Variants in EDC3 observed in about 807,000 individuals in gnomAD.
The protein encoded by EDC3 is enhancer of mRNA-decapping protein 3.
A neutral mutation model predicts 41.8 loss-of-function variants in EDC3; 20 were observed. That is an observed-to-expected ratio of 0.48 (90% confidence interval 0.34 to 0.70). The LOEUF (loss-of-function observed/expected upper bound fraction) is 0.70. Among genes scored for constraint, EDC3 ranks in the 30% least tolerant of loss-of-function variants. EDC3 has a pLI of 0.01. For synonymous variants in EDC3, 206 were observed against 243.2 expected (o/e 0.85, Z 1.42); for missense variants, 444 against 636.8 (o/e 0.70, Z 3.26).
At position 74,695,145 on chromosome 15, in the gene EDC3, C is replaced by T. The variant is rs139300868; in HGVS notation, c.-19+735G>A. ...TGGGTCGCGAGTTCCTCACCTGTAACCACAGGAGAAGACTGTTGGCTTGGT... is the reference window on the plus strand; with the variant it reads ...TGGGTCGCGAGTTCCTCACCTGTAATCACAGGAGAAGACTGTTGGCTTGGT... On this transcript the variant is annotated intron_variant, in intron 1 of 6. Transcript: ENST00000315127. 5.2e-3 allele frequency among the ~76,000 whole-genome samples: 793 copies of T among 152,250 alleles called. 3 individuals carry two copies. Among genetic ancestry groups the T allele is most frequent in the African/African-American group, 0.018 (766 of 41,538 alleles).
At chr15:74,634,109 G>C (rs939482557) in intron 6 of EDC3, among the ~76,000 whole-genome samples, 9 of 152,110 alleles carry the variant, frequency 5.9e-5, no homozygotes, top group African/African-American at 1.9e-4. Context: ...ATTCCAGTCA[G>C]ACTCTGTCCC....
intron 4 of EDC3, among the ~76,000 whole-genome samples, chr15:74,651,447 C>T (rs1036321274): frequency 6.6e-6 from 1 of 152,168 alleles, no homozygotes; most frequent in Non-Finnish European, 1.5e-5. Flanking sequence ...AACACTGTTC[C>T]CCATCACAAC....
intron 3 of EDC3, among the ~76,000 whole-genome samples, chr15:74,658,639 A>C (rs1412688976): frequency 1.3e-5 from 2 of 149,772 alleles, no homozygotes; most frequent in Admixed American, 6.6e-5. Context: ...AAAAAAAAAA[A>C]AAAAAAAAAA....
intron 1 of EDC3, among the ~76,000 whole-genome samples, chr15:74,688,554 C>G (rs755177310): frequency 2.0e-5 from 3 of 152,188 alleles, no homozygotes; most frequent in Non-Finnish European, 2.9e-5. Flanking sequence ...TTTTGAGCTT[C>G]ACATAAACAG....
intron 4 of EDC3, chr15:74,642,426 T>G (rs924563829): frequency 1.3e-5 from 2 of 152,296 alleles, no homozygotes; most frequent in South Asian, 4.1e-4. Context: ...TGTCAACAGC[T>G]GATTAAAACA....
chr15:74,667,591 AT>A (rs1476658982), intron 3 of EDC3, among the ~76,000 whole-genome samples: 1 of 151,868 alleles, frequency 6.6e-6, no homozygotes, highest in East Asian at 1.9e-4. Context: ...AAAAAAAAAA[AT>A]AAAATCCACA....
intron 5 of EDC3, 172 bp downstream of exon 5, chr15:74,640,294 A>G: frequency 1.4e-6 from 1 of 690,652 alleles, no homozygotes; most frequent in Admixed American, 2.9e-5. Flanking sequence ...GGGTCTGAGG[A>G]GGGGCAAAGA....
chr15:74,680,129 G>A (rs763227996), intron 1 of EDC3, among the ~76,000 whole-genome samples: 15 of 151,278 alleles, frequency 9.9e-5, no homozygotes, highest in Non-Finnish European at 1.9e-4. Flanking sequence ...AGGCGTGGTG[G>A]CGTGCTCCTG....
At chr15:74,655,148 A>T (rs1385500093) in intron 4 of EDC3, among the ~76,000 whole-genome samples, 1 of 152,232 alleles carries the variant, frequency 6.6e-6, no homozygotes, top group Non-Finnish European at 1.5e-5. Flanking sequence ...AAAAAGAAAC[A>T]ATAATCACTG....
chr15:74,640,641 G>A (rs755732300), intron 4 of EDC3, 22 bp from the exon 5 acceptor site: 2 of 1,614,018 alleles, frequency 1.2e-6, no homozygotes, highest in Non-Finnish European at 1.7e-6. Flanking sequence ...AAGGAGAAGA[G>A]AAAGGGAAAG....
intron 1 of EDC3, among the ~76,000 whole-genome samples, chr15:74,681,215 G>A (rs1445437112): frequency 2.6e-5 from 4 of 152,106 alleles, no homozygotes; most frequent in East Asian, 1.9e-4. Context: ...GTGCAGTGGC[G>A]CAATCTCGGC....
Position 74,635,604 on chromosome 15 carries a change from G to C in EDC3, c.997C>G (p.Gln333Glu). Residue 333 changes from glutamine (Q) to glutamate (E), a missense_variant, in exon 6 of 7, where the codon CAG becomes GAG. Physicochemically the swap from Gln to Glu is conservative, Grantham distance 29. Coordinates refer to ENST00000315127, the MANE Select transcript of EDC3 (RefSeq NM_025083.5). ...PNRLNPKNVH[Q>E]RPTVALLCGP... ...CACAGTAGAGCCACTGTAGGCCTCTGGTGAACATTTTTGGGATTCAACCTG... is the reference window on the plus strand; with the variant it reads ...CACAGTAGAGCCACTGTAGGCCTCTCGTGAACATTTTTGGGATTCAACCTG... 6.2e-7 allele frequency: 1 copy of C among 1,612,804 alleles called. No individual in the cohort carries two copies. The highest frequency in any genetic ancestry group is 8.5e-7 in the Non-Finnish European group (1 of 1,178,900).
chr15:74,645,714 C>CAAA (rs745913868), intron 4 of EDC3, among the ~76,000 whole-genome samples: 1 of 99,698 alleles, frequency 1.0e-5, no homozygotes, highest in Non-Finnish European at 2.2e-5. Context: ...ACTAAAAATA[C>CAAA]AAAAAAAAAA....
chr15:74,643,086 CCA>C (rs2062373181), intron 4 of EDC3: 1 of 152,162 alleles, frequency 6.6e-6, no homozygotes, highest in African/African-American at 2.4e-5. Flanking sequence ...CGTACAAACA[CCA>C]CAAAATGTTC....
chr15:74,660,777 C>T, intron 3 of EDC3, among the ~76,000 whole-genome samples: 1 of 152,098 alleles, frequency 6.6e-6, no homozygotes, highest in East Asian at 1.9e-4. Context: ...ACGGAATATT[C>T]TATTTATTTT....
At chr15:74,680,586 T>C (rs2062860314) in intron 1 of EDC3, among the ~76,000 whole-genome samples, 1 of 152,076 alleles carries the variant, frequency 6.6e-6, no homozygotes, top group African/African-American at 2.4e-5. Flanking sequence ...TATAAGAACA[T>C]GAACAAGGCA....
intron 1 of EDC3, among the ~76,000 whole-genome samples, chr15:74,680,467 C>T (rs997563767): frequency 6.6e-6 from 1 of 151,870 alleles, no homozygotes; most frequent in Non-Finnish European, 1.5e-5. Flanking sequence ...TTTTAAAAAG[C>T]CTCTCAGAAA....
intron 3 of EDC3, among the ~76,000 whole-genome samples, chr15:74,663,621 C>T (rs568961011): frequency 4.9e-4 from 73 of 149,326 alleles, no homozygotes; most frequent in Admixed American, 1.3e-3. Context: ...TGGTCCCAAG[C>T]GTTTTGCGTT....
At chr15:74,661,064 T>A (rs1347557457) in intron 3 of EDC3, among the ~76,000 whole-genome samples, 1 of 152,240 alleles carries the variant, frequency 6.6e-6, no homozygotes, top group Non-Finnish European at 1.5e-5. Flanking sequence ...TATACAACCA[T>A]GCCAATTTTT....
Sources: allele counts gnomAD v4.1 joint callset (sites outside exome capture counted in the v4.1 genomes callset), GRCh38; gene constraint gnomAD v4.1.1; transcripts MANE v1.5; gene names NCBI Gene and HGNC (gene_info 2026-07-23, HGNC 2026-07-21).